The following HS2ST1 variants were observed in gnomAD, a reference collection of about 807,000 sequenced individuals.
The protein encoded by HS2ST1 is 2-O-sulfotransferase.
A neutral mutation model predicts 42.9 loss-of-function variants in HS2ST1; 18 were observed. That is an observed-to-expected ratio of 0.42 (90% CI 0.29 to 0.62). The LOEUF is 0.62. HS2ST1 is among the 20% of genes least tolerant of loss of function. The pLI, the probability that HS2ST1 is intolerant of heterozygous loss-of-function variation, is 0.21. For missense variants in HS2ST1, 334 were observed against 433.8 expected, an observed-to-expected ratio of 0.77 and a Z score of 2.04; for synonymous variants, 146 against 152.9, an observed-to-expected ratio of 0.95 and a Z score of 0.33.
At chr1:87,091,679 A>C (rs542266801) in intron 3 of HS2ST1, among the ~76,000 whole-genome samples, 1 of 50,986 alleles carries the variant, frequency 2.0e-5, no homozygotes, top group South Asian at 1.0e-3. Flanking sequence ...AAAGCTTACA[A>C]AACAAATCAA....
chr1:87,020,008 T>C (rs1371941306), intron 1 of HS2ST1, among the ~76,000 whole-genome samples: 1 of 152,234 alleles, frequency 6.6e-6, no homozygotes, highest in African/African-American at 2.4e-5. Context: ...TTGAATAACC[T>C]TAAAATTTTT....
chr1:87,103,433 A>G lies in HS2ST1; in HGVS notation c.688A>G (p.Asn230Asp). ...FFCGHSSECW[N>D]VGSRWAMDQA... is the part of the protein sequence containing the mutation. ...TTAATTCCTTTTCTTTGGTTTCAGG[A>G]ATGTGGGAAGCAGGTGGGCTATGGA... Residue 230 changes from asparagine (N) to aspartate (D), a missense_variant and splice_region_variant, in exon 6 of 7, where the codon AAT becomes GAT. Coordinates refer to ENST00000370550, the MANE Select transcript of HS2ST1 (RefSeq NM_012262.4). The G allele has an allele frequency of 6.3e-7, 1 of 1,591,318 alleles. No homozygotes were observed. Among genetic ancestry groups the G allele is most frequent in the Non-Finnish European group, 8.5e-7 (1 of 1,172,446 alleles).
chr1:87,079,725 T>G (rs1297654006), intron 2 of HS2ST1, among the ~76,000 whole-genome samples: 2 of 152,180 alleles, frequency 1.3e-5, no homozygotes, highest in African/African-American at 4.8e-5. Flanking sequence ...AAAGAGATTC[T>G]GTGTGTTTTG....
intron 1 of HS2ST1, among the ~76,000 whole-genome samples, chr1:86,921,360 A>G (rs1660292787): frequency 6.6e-6 from 1 of 152,198 alleles, no homozygotes; most frequent in South Asian, 2.1e-4. Flanking sequence ...TTAGGCTGTC[A>G]TGTCTTCTTG....
intron 1 of HS2ST1, among the ~76,000 whole-genome samples, chr1:86,925,106 A>T (rs1660387233): frequency 6.6e-6 from 1 of 152,196 alleles, no homozygotes; most frequent in Non-Finnish European, 1.5e-5. Flanking sequence ...TCAAAGTTCC[A>T]CAGATCTCTA....
chr1:86,921,842 T>A (rs1469860411), intron 1 of HS2ST1, among the ~76,000 whole-genome samples: 1 of 152,216 alleles, frequency 6.6e-6, no homozygotes, highest in Non-Finnish European at 1.5e-5. Flanking sequence ...TACAGACACT[T>A]CAGTTTTCTT....
intron 1 of HS2ST1, among the ~76,000 whole-genome samples, chr1:86,991,743 T>G (rs1237793297): frequency 6.6e-6 from 1 of 152,194 alleles, no homozygotes. Flanking sequence ...AGATAAGACT[T>G]GTACCTCACA....
intron 1 of HS2ST1, among the ~76,000 whole-genome samples, chr1:86,939,201 A>G (rs538109943): frequency 2.6e-5 from 4 of 152,344 alleles, no homozygotes; most frequent in South Asian, 4.1e-4. Context: ...GGAGTTAAAT[A>G]TAAGTCCTGA....
Position 87,107,452 on chromosome 1 carries a change from T to C in HS2ST1, c.*2756T>C, listed in dbSNP as rs946618995. On this transcript the variant is annotated 3_prime_UTR_variant, in exon 7 of 7. Coordinates refer to ENST00000370550, the MANE Select transcript of HS2ST1 (RefSeq NM_012262.4). Reference sequence around the variant, plus strand: ...TACAGTACTAGGAGTCATAATACTTTATAATCAATTAAATAAATAGAACCA... The same window carrying C: ...TACAGTACTAGGAGTCATAATACTTCATAATCAATTAAATAAATAGAACCA... 1.3e-5 allele frequency: 2 copies of C among 152,056 alleles called. No individual in the cohort carries two copies. The highest frequency in any genetic ancestry group is 2.9e-5 in the Non-Finnish European group (2 of 67,946). The allele number at this position is 152,056 out of a possible 1,614,324, so 9.4% of individuals were successfully genotyped here.
At chr1:86,940,867 G>C (rs1031289177) in intron 1 of HS2ST1, among the ~76,000 whole-genome samples, 4 of 152,120 alleles carry the variant, frequency 2.6e-5, no homozygotes, top group African/African-American at 9.7e-5. Flanking sequence ...GGTGGCATGT[G>C]CTTGTGGTCC....
At chr1:86,939,823 T>G (rs1368627629) in intron 1 of HS2ST1, among the ~76,000 whole-genome samples, 1 of 152,218 alleles carries the variant, frequency 6.6e-6, no homozygotes, top group Non-Finnish European at 1.5e-5. Flanking sequence ...TGAGCAGTGT[T>G]AATAATACTA....
chr1:87,005,138 A>G (rs1348241899), intron 1 of HS2ST1, among the ~76,000 whole-genome samples: 3 of 152,040 alleles, frequency 2.0e-5, no homozygotes, highest in African/African-American at 4.8e-5. Flanking sequence ...TTTAAAGTTG[A>G]TATCTTTTGC....
At chr1:86,928,328 C>T (rs1660464991) in intron 1 of HS2ST1, among the ~76,000 whole-genome samples, 1 of 151,982 alleles carries the variant, frequency 6.6e-6, no homozygotes, top group Admixed American at 6.6e-5. Context: ...TCAATAAAAT[C>T]CTTCTTCAAC....
Position 86,918,100 on chromosome 1 carries a change from C to G in HS2ST1, c.124+2940C>G, listed in dbSNP as rs185010301. 4.5e-4 allele frequency among the ~76,000 whole-genome samples: 69 copies of G among 151,668 alleles called. No homozygotes were observed. In the East Asian group the frequency reaches 8.1e-3, roughly 18 times the overall value. ...TTGTCTGATAGTGGCTTTAATATAC[C>G]TTGATTTGAGAGTACAGTATTTTGA... On this transcript the variant is annotated intron_variant, in intron 1 of 6. Coordinates refer to ENST00000370550, the MANE Select transcript of HS2ST1 (RefSeq NM_012262.4).
At position 87,008,118 on chromosome 1, in the gene HS2ST1, G is replaced by A. The variant is rs544877260; in HGVS notation, c.125-64816G>A. 1.4e-3 allele frequency among the ~76,000 whole-genome samples: 207 copies of A among 152,118 alleles called. 3 individuals carry two copies. The highest frequency in any genetic ancestry group is 2.4e-4 in the Non-Finnish European group (16 of 67,974). On this transcript the variant is annotated intron_variant, in intron 1 of 6. Transcript: ENST00000370550. Reference sequence around the variant, plus strand: ...GAAAATTACTTACATTGGGCATCTTGGACACTGCTTTTGGTCTAGTCTTCC... The same window carrying A: ...GAAAATTACTTACATTGGGCATCTTAGACACTGCTTTTGGTCTAGTCTTCC...
At chr1:86,963,775 T>C (rs1647935125) in intron 1 of HS2ST1, among the ~76,000 whole-genome samples, 1 of 126,264 alleles carries the variant, frequency 7.9e-6, no homozygotes, top group African/African-American at 3.2e-5. Context: ...ACGGGGCAGC[T>C]GGCCGGGTGG....
rs1239131296 is a variant in HS2ST1, at chr1:86,967,839, G to A, written c.124+52679G>A. 4.6e-5 allele frequency among the ~76,000 whole-genome samples: 7 copies of A among 152,248 alleles called. No homozygotes were observed. In the South Asian group the frequency reaches 8.3e-4, roughly 18 times the overall value. On this transcript the variant is annotated intron_variant, in intron 1 of 6. Coordinates refer to ENST00000370550, the MANE Select transcript of HS2ST1 (RefSeq NM_012262.4). The stretch of plus-strand genomic sequence containing the variant: ...CAGTAGTGGGATTGCTGGATTGAAT[G>A]GTAGACCTACTTTTAGTTCTTTAAG...
chr1:87,095,955 C>G (rs1652051988), intron 4 of HS2ST1, among the ~76,000 whole-genome samples: 2 of 149,138 alleles, frequency 1.3e-5, no homozygotes, highest in South Asian at 4.2e-4. Context: ...TTACTATAGA[C>G]AGCCGGTTTT....
intron 1 of HS2ST1, among the ~76,000 whole-genome samples, chr1:86,961,968 TTATATG>T (rs1274794967): frequency 6.6e-6 from 1 of 152,184 alleles, no homozygotes; most frequent in East Asian, 1.9e-4. Flanking sequence ...TAATATTTCA[TTATATG>T]TATGTAACTG....
Sources: allele counts gnomAD v4.1 joint callset (sites outside exome capture counted in the v4.1 genomes callset), GRCh38; gene constraint gnomAD v4.1.1; transcripts MANE v1.5; gene names NCBI Gene and HGNC (gene_info 2026-07-23, HGNC 2026-07-21).